The following ZNF76 variants were observed in gnomAD, a reference collection of about 807,000 sequenced individuals.
The protein encoded by ZNF76 is zinc finger protein 76, also known as zinc finger protein 523.
Under a neutral mutation model 66.9 loss-of-function variants are expected in ZNF76, and 66 were observed. The ratio of observed to expected loss-of-function variants is 0.99; its 90% CI spans 0.81 to 1.21. ZNF76 has a LOEUF of 1.21. Ranked by LOEUF, ZNF76 falls within the 50% of genes most tolerant of loss-of-function variation. The pLI, the probability that ZNF76 is intolerant of heterozygous loss-of-function variation, is 0.00. For missense variants in ZNF76, 729 were observed against 760.3 expected (o/e 0.96, Z 0.48); for synonymous variants, 275 against 296.1 (o/e 0.93, Z 0.73).
chr6:35,268,255 G>A (rs892782685), intron 1 of ZNF76, among the ~76,000 whole-genome samples: 12 of 152,170 alleles, frequency 7.9e-5, no homozygotes, highest in African/African-American at 2.9e-4. Context: ...ACACTCCGTG[G>A]CAGTGTAACC....
At chr6:35,294,677 G>A (rs1209349370) in intron 13 of ZNF76, 108 bp downstream of exon 13, 1 of 810,536 alleles carries the variant, frequency 1.2e-6, no homozygotes, top group Non-Finnish European at 2.1e-6. Flanking sequence ...GACTCAAAAA[G>A]AGCCCATTTC....
chr6:35,282,609 T>C (rs1788939586), intron 2 of ZNF76, among the ~76,000 whole-genome samples: 1 of 152,176 alleles, frequency 6.6e-6, no homozygotes, highest in Non-Finnish European at 1.5e-5. Context: ...AAATACTGCC[T>C]TGTTCCTACT....
At chr6:35,286,094 C>G in intron 2 of ZNF76, 34 bp from the exon 3 acceptor site, 1 of 1,606,256 alleles carries the variant, frequency 6.2e-7, no homozygotes, top group Non-Finnish European at 8.5e-7. Context: ...TCTTCTGGTC[C>G]TGGCCCATTT....
At chr6:35,295,071 A>T in intron 13 of ZNF76, 73 bp from the exon 14 acceptor site, 1 of 1,221,678 alleles carries the variant, frequency 8.2e-7, no homozygotes, top group Non-Finnish European at 1.2e-6. Flanking sequence ...AAAGTAGGCC[A>T]CATATTACTA....
rs769705693 is a variant in ZNF76, at chr6:35,292,823, A to G, written c.1165+36A>G. Reference sequence around the variant, plus strand: ...TGGGCAGAGGGTGAGAGTGGGGACAAGCCAGGCCTCCCCATGGCATCTGGT... The same window carrying G: ...TGGGCAGAGGGTGAGAGTGGGGACAGGCCAGGCCTCCCCATGGCATCTGGT... On this transcript the variant is annotated intron_variant, in intron 10 of 13. Transcript: ENST00000373953. The surrounding 1 kb of genome is among the most constrained non-coding windows in gnomAD (Gnocchi z 4.7). 47 of 1,613,698 alleles carry G rather than the reference A, an allele frequency of 2.9e-5. No homozygotes were observed. Among genetic ancestry groups the G allele is most frequent in the Non-Finnish European group, 3.7e-5 (44 of 1,179,742 alleles).
intron 1 of ZNF76, among the ~76,000 whole-genome samples, chr6:35,264,484 C>A (rs944655043): frequency 1.3e-5 from 2 of 152,032 alleles, no homozygotes; most frequent in African/African-American, 2.4e-5. Context: ...ACAGAGGAAA[C>A]CAAGGAGGCA....
At chr6:35,294,813 G>T (rs1790949232) in intron 13 of ZNF76, 2 of 577,836 alleles carry the variant, frequency 3.5e-6, no homozygotes, top group Non-Finnish European at 6.2e-6. Flanking sequence ...TGTGGTCCAA[G>T]CCCTTCATCA....
At position 35,290,404 on chromosome 6, in the gene ZNF76, C is replaced by T. The variant is rs373360273; in HGVS notation, c.549+22C>T. ...AAAGGTAAGGTTGCTGGCAGACAGC[C>T]GTCAGCTCTGCAGTCTTCCCTCCCA... is the stretch of plus-strand genomic sequence containing the variant. On this transcript the variant is annotated intron_variant, in intron 6 of 13. Coordinates refer to ENST00000373953, the MANE Select transcript of ZNF76 (RefSeq NM_003427.5). The T allele has an allele frequency of 2.7e-4, 431 of 1,612,602 alleles. 2 individuals are homozygous for T. The highest frequency in any genetic ancestry group is 1.9e-3 in the South Asian group (173 of 91,016).
chr6:35,269,082 A>C (rs918559839), intron 1 of ZNF76, among the ~76,000 whole-genome samples: 1 of 151,694 alleles, frequency 6.6e-6, no homozygotes, highest in East Asian at 1.9e-4. Flanking sequence ...GGAGTTCGAG[A>C]CCAGCTTGGC....
chr6:35,293,896 A>G lies in ZNF76; in HGVS notation c.1475A>G (p.Asp492Gly), dbSNP rs149978450. 8 of 1,613,900 alleles carry G rather than the reference A, an allele frequency of 5.0e-6. No individual in the cohort carries two copies. In the South Asian group the frequency reaches 8.8e-5, roughly 18 times the overall value. The stretch of plus-strand genomic sequence containing the variant: ...CATACAGTCACCATGGTCAGCGCCG[A>G]TGGCACCCAGACGCAGCCCGTATGA... ...GTHTVTMVSA[D>G]GTQTQPVTII... Residue 492 changes from aspartate (D) to glycine (G), a missense_variant, in exon 12 of 14, where the codon GAT becomes GGT. Transcript: ENST00000373953.
chr6:35,276,643 T>G (rs1787926042), intron 1 of ZNF76, among the ~76,000 whole-genome samples: 2 of 152,186 alleles, frequency 1.3e-5, no homozygotes, highest in Admixed American at 6.5e-5. Context: ...AAAGTCCCAG[T>G]GGAGTGCAGT....
chr6:35,282,583 G>A (rs1040727252), intron 2 of ZNF76, among the ~76,000 whole-genome samples: 2 of 152,108 alleles, frequency 1.3e-5, no homozygotes, highest in Admixed American at 6.5e-5. Context: ...TCCTTGGACA[G>A]CACCTTGAAC....
At position 35,292,507 on chromosome 6, in the gene ZNF76, C is replaced by T. The variant is rs755930667; in HGVS notation, c.932-47C>T. 1.7e-5 allele frequency: 27 copies of T among 1,607,866 alleles called. No homozygotes were observed. The highest frequency in any genetic ancestry group is 1.7e-4 in the Middle Eastern group (1 of 5,956). On this transcript the variant is annotated intron_variant, in intron 9 of 13. Transcript: ENST00000373953. The surrounding 1 kb of genome is among the most constrained non-coding windows in gnomAD (Gnocchi z 4.7). ...CTCACCCCTGTCCCCTTAGTTTCCCCCTTGCCAGCCCCAGTTCCCACCCCC... is the reference window on the plus strand; with the variant it reads ...CTCACCCCTGTCCCCTTAGTTTCCCTCTTGCCAGCCCCAGTTCCCACCCCC...
Position 35,275,050 on chromosome 6 carries a change from G to A in ZNF76, c.-96-6006G>A, listed in dbSNP as rs189236016. 3.7e-4 allele frequency among the ~76,000 whole-genome samples: 56 copies of A among 152,174 alleles called. No homozygotes were observed. In the East Asian group the frequency reaches 6.6e-3, roughly 18 times the overall value. On this transcript the variant is annotated intron_variant, in intron 1 of 13. Transcript: ENST00000373953. ...CATGCCTGTAATCCCAGCTGCTCAC[G>A]AGGCTGAGGCAGGAGAATTACTTGA...
intron 5 of ZNF76, among the ~76,000 whole-genome samples, chr6:35,289,360 C>T (rs576752109): frequency 1.3e-5 from 2 of 152,264 alleles, no homozygotes; most frequent in African/African-American, 2.4e-5. Flanking sequence ...TTTAAGTGTC[C>T]GTGAAGCTCT....
At chr6:35,281,274 GAA>G in intron 2 of ZNF76, 50 bp downstream of exon 2, 1 of 1,568,176 alleles carries the variant, frequency 6.4e-7, no homozygotes, top group Non-Finnish European at 8.8e-7. Flanking sequence ...TCAGCCTCTG[GAA>G]AGGAGTGTCC....
chr6:35,266,554 A>G (rs1251770674), intron 1 of ZNF76, among the ~76,000 whole-genome samples: 1 of 152,158 alleles, frequency 6.6e-6, no homozygotes, highest in African/African-American at 2.4e-5. Context: ...CAAAGTCGAG[A>G]TGTTGAGTAA....
At chr6:35,294,311 C>T in intron 12 of ZNF76, 145 bp from the exon 13 acceptor site, 1 of 636,714 alleles carries the variant, frequency 1.6e-6, no homozygotes, top group East Asian at 2.8e-5. Context: ...AGCTCTGAGC[C>T]TCAGGCTAAT....
chr6:35,294,111 A>G (rs1318167366), intron 12 of ZNF76, 196 bp downstream of exon 12: 2 of 650,946 alleles, frequency 3.1e-6, no homozygotes, highest in Non-Finnish European at 5.1e-6. Context: ...GTCAAGAGAC[A>G]CTTTCTAAAT....
Sources: allele counts gnomAD v4.1 joint callset (sites outside exome capture counted in the v4.1 genomes callset), GRCh38; gene constraint gnomAD v4.1.1; non-coding constraint Gnocchi (gnomAD v3.1); transcripts MANE v1.5; gene names NCBI Gene and HGNC (gene_info 2026-07-23, HGNC 2026-07-21).